The following KIF13B variants were observed in gnomAD, a reference collection of about 807,000 sequenced individuals.
KIF13B encodes the protein kinesin-like protein KIF13B.
KIF13B carries 127 observed loss-of-function variants against 222.0 expected under a neutral mutation model. The ratio of observed to expected loss-of-function variants is 0.57; its 90% CI spans 0.50 to 0.66. The LOEUF (loss-of-function observed/expected upper bound fraction) is 0.66. Ranked by LOEUF, KIF13B falls within the 30% of genes least tolerant of loss-of-function variation. The pLI is 0.00. For missense variants in KIF13B, 2,173 were observed against 2,379.0 expected, an observed-to-expected ratio of 0.91 and a Z score of 1.80; for synonymous variants, 976 against 919.0, an observed-to-expected ratio of 1.06 and a Z score of -1.12.
Position 29,134,057 on chromosome 8 carries a change from C to T in KIF13B, c.2767G>A (p.Val923Ile). Residue 923 changes from valine to isoleucine, a missense_variant, in exon 22 of 40, where the codon GTC (valine) becomes ATC (isoleucine). By Grantham distance (29) the Val-to-Ile change is conservative (BLOSUM62 3). Transcript: ENST00000524189. ...SVSKEPHCMV[V>I]FDHCNEFSVN... ...AAACTCACATTGCAATGATCAAAGA[C>T]AACCATGCAGTGCGGCTCCTTGCTG... 2 of 1,613,688 alleles carry T rather than the reference C, an allele frequency of 1.2e-6. No homozygotes were observed. The highest frequency in any genetic ancestry group is 1.7e-6 in the Non-Finnish European group (2 of 1,179,778).
intron 2 of KIF13B, among the ~76,000 whole-genome samples, chr8:29,197,868 T>A (rs1008659588): frequency 2.4e-4 from 37 of 152,100 alleles, no homozygotes; most frequent in African/African-American, 8.9e-4. Context: ...AATCAAACAA[T>A]TTAAGAATAA....
At position 29,116,984 on chromosome 8, in the gene KIF13B, G is replaced by A; in HGVS notation, c.3684C>T (p.Asp1228=). 3 of 1,589,764 alleles carry A rather than the reference G, an allele frequency of 1.9e-6. No individual in the cohort carries two copies. The highest frequency in any genetic ancestry group is 2.6e-6 in the Non-Finnish European group (3 of 1,163,698). Residue 1228 remains aspartate, a synonymous_variant, in exon 31 of 40, where the codon GAC becomes GAT. Coordinates refer to ENST00000524189, the MANE Select transcript of KIF13B (RefSeq NM_015254.4). ...GCTGAGGGCAGCCATGCACCGCGGA[G>A]TCCCAGGAGGCTTCTGCTTTCACCT... ...DGEVKAEASW[D]SAVHGCPQLS...
At position 29,070,400 on chromosome 8, in the gene KIF13B, C is replaced by A; in HGVS notation, c.*104G>T. 1.5e-6 allele frequency: 2 copies of A among 1,295,424 alleles called. No individual in the cohort carries two copies. Among genetic ancestry groups the A allele is most frequent in the East Asian group, 2.5e-5 (1 of 40,302 alleles). The allele number at this position is 1,295,424 out of a possible 1,614,324, so 80.2% of individuals were successfully genotyped here. A position where few individuals can be genotyped will look rare whatever the true frequency, so the allele number is the denominator to read the frequency against. ...CGTGCAAAAAGCATTCATCGCCCTGCCCCTGGGGAAGGGGCCACCGGGCTC... is the reference window on the plus strand; with the variant it reads ...CGTGCAAAAAGCATTCATCGCCCTGACCCTGGGGAAGGGGCCACCGGGCTC... On this transcript the variant is annotated 3_prime_UTR_variant, in exon 40 of 40. Transcript: ENST00000524189. The surrounding 1 kb of genome is among the most constrained non-coding windows in gnomAD (Gnocchi z 4.1).
chr8:29,095,289 GA>G (rs1322662916), intron 36 of KIF13B, among the ~76,000 whole-genome samples: 1 of 152,210 alleles, frequency 6.6e-6, no homozygotes, highest in African/African-American at 2.4e-5. Context: ...AATGATGGCT[GA>G]ATTCTCAGCA....
chr8:29,151,442 T>A (rs1199028585), intron 14 of KIF13B, among the ~76,000 whole-genome samples: 3 of 152,230 alleles, frequency 2.0e-5, no homozygotes, highest in Non-Finnish European at 4.4e-5. Context: ...CTTTCTTAGC[T>A]AGAGAAGAGA....
At chr8:29,193,464 C>T (rs1001245269) in intron 3 of KIF13B, among the ~76,000 whole-genome samples, 4 of 152,252 alleles carry the variant, frequency 2.6e-5, no homozygotes, top group Non-Finnish European at 5.9e-5. Flanking sequence ...GGAGCTCAAA[C>T]GAAGTTTCTC....
chr8:29,249,918 C>A lies in KIF13B; in HGVS notation c.56-4479G>T, dbSNP rs186891954. 23 of 636,628 alleles carry A rather than the reference C, an allele frequency of 3.6e-5. No homozygotes were observed. In the East Asian group the frequency reaches 1.4e-3, roughly 39 times the overall value. The allele number at this position is 636,628 out of a possible 1,614,324, so 39.4% of individuals were successfully genotyped here. On this transcript the variant is annotated intron_variant, in intron 1 of 39. Coordinates refer to ENST00000524189, the MANE Select transcript of KIF13B (RefSeq NM_015254.4). Reference sequence around the variant, plus strand: ...GTTTTGTCTTTAAATCTGCTCTAGACTATCACAGAAATGCTGCAAGAAAGT... The same window carrying A: ...GTTTTGTCTTTAAATCTGCTCTAGAATATCACAGAAATGCTGCAAGAAAGT...
intron 16 of KIF13B, among the ~76,000 whole-genome samples, chr8:29,148,328 T>G (rs1022246594): frequency 2.0e-5 from 3 of 151,714 alleles, no homozygotes; most frequent in Admixed American, 2.0e-4. Context: ...ATACAGAGAA[T>G]AGCAACATAA....
chr8:29,072,310 G>A lies in KIF13B; in HGVS notation c.4528C>T (p.Pro1510Ser). ...IRVTRMEEAQ[P>S]EMGPDVLVQT... ...ACCAGCACGTCAGGGCCCATCTCCG[G>A]CTGAGCCTGCAGCAGGACGGGGAAG... Residue 1510 changes from proline (P) to serine (S), a missense_variant, in exon 39 of 40, where the codon CCG becomes TCG. Pro to Ser is a moderately conservative substitution (Grantham distance 74). Transcript: ENST00000524189. 1 of 1,413,862 alleles carries A rather than the reference G, an allele frequency of 7.1e-7. No homozygotes were observed. Among genetic ancestry groups the A allele is most frequent in the Non-Finnish European group, 9.3e-7 (1 of 1,080,494 alleles). The allele number at this position is 1,413,862 out of a possible 1,614,324, so 87.6% of individuals were successfully genotyped here. A position where few individuals can be genotyped will look rare whatever the true frequency, so the allele number is the denominator to read the frequency against.
intron 21 of KIF13B, among the ~76,000 whole-genome samples, chr8:29,135,985 A>G (rs1563730721): frequency 6.6e-6 from 1 of 152,158 alleles, no homozygotes; most frequent in Non-Finnish European, 1.5e-5. Flanking sequence ...CATACTAGAC[A>G]TATAATGGGT....
At chr8:29,135,071 G>C (rs2129869029) in intron 21 of KIF13B, among the ~76,000 whole-genome samples, 1 of 152,278 alleles carries the variant, frequency 6.6e-6, no homozygotes, top group South Asian at 2.1e-4. Flanking sequence ...TTGAGCCAGG[G>C]TCTTGCTGTG....
At chr8:29,156,544 T>G (rs1811535371) in intron 13 of KIF13B, among the ~76,000 whole-genome samples, 1 of 152,056 alleles carries the variant, frequency 6.6e-6, no homozygotes, top group Non-Finnish European at 1.5e-5. Context: ...AGACAGGGTC[T>G]TTTTCTGTCA....
At chr8:29,137,214 A>T (rs868841985) in intron 21 of KIF13B, among the ~76,000 whole-genome samples, 1 of 152,254 alleles carries the variant, frequency 6.6e-6, no homozygotes, top group African/African-American at 2.4e-5. Flanking sequence ...GTTAAAATAG[A>T]CAAGAAACAA....
At position 29,132,346 on chromosome 8, in the gene KIF13B, C is replaced by T; in HGVS notation, c.2904G>A (p.Leu968=). ...TACGTGTCTTTGCTTGGATGATTCC[C>T]AAATCCCACAGGGCGGGGTTTTTCC... is the stretch of plus-strand genomic sequence containing the variant. ...DPRKNPALWD[L]GIIQAKTRSL... The change falls in exon 23 of 40, where the codon TTG becomes TTA. Residue 968 remains leucine (L), a synonymous_variant. Coordinates refer to ENST00000524189, the MANE Select transcript of KIF13B (RefSeq NM_015254.4). The T allele has an allele frequency of 6.3e-7, 1 of 1,579,872 alleles. No individual in the cohort carries two copies. The highest frequency in any genetic ancestry group is 8.6e-7 in the Non-Finnish European group (1 of 1,162,412).
chr8:29,247,209 A>AC (rs1011600252), intron 1 of KIF13B, among the ~76,000 whole-genome samples: 16 of 151,722 alleles, frequency 1.1e-4, no homozygotes, highest in South Asian at 4.2e-4. Context: ...ACATAGTGAG[A>AC]CCCCCACGTC....
Position 29,217,582 on chromosome 8 carries a change from A to C in KIF13B, c.150-21383T>G, listed in dbSNP as rs546931728. Among the ~76,000 whole-genome samples, 4 of 152,348 alleles carry C rather than the reference A, an allele frequency of 2.6e-5. No homozygotes were observed. In the South Asian group the frequency reaches 8.3e-4, roughly 32 times the overall value. On this transcript the variant is annotated intron_variant, in intron 2 of 39. Coordinates refer to ENST00000524189, the MANE Select transcript of KIF13B (RefSeq NM_015254.4). ...TTCTATCTCACTGATCCTTGTGATA[A>C]TCTCAGTTCAAAACTAGGAGGGGGA...
chr8:29,137,573 T>C (rs1202987109), intron 21 of KIF13B, among the ~76,000 whole-genome samples: 1 of 152,238 alleles, frequency 6.6e-6, no homozygotes, highest in Non-Finnish European at 1.5e-5. Context: ...TGGGGGCTAA[T>C]TACACTCACC....
Position 29,176,050 on chromosome 8 carries a change from G to T in KIF13B, c.945+18C>A. 1 of 1,488,610 alleles carries T rather than the reference G, an allele frequency of 6.7e-7. No individual in the cohort carries two copies. The highest frequency in any genetic ancestry group is 9.4e-7 in the Non-Finnish European group (1 of 1,068,716). 92.2% of individuals were successfully genotyped at this position (1,488,610 alleles called of 1,614,324 possible). Reference sequence around the variant, plus strand: ...AACCACCAAAAGTATGCCAGGAAGGGAAAAAAAACAAACTTACTTTGAGCA... The same window carrying T: ...AACCACCAAAAGTATGCCAGGAAGGTAAAAAAAACAAACTTACTTTGAGCA... On this transcript the variant is annotated intron_variant, in intron 10 of 39. Coordinates refer to ENST00000524189, the MANE Select transcript of KIF13B (RefSeq NM_015254.4).
chr8:29,134,567 C>T (rs1401803897), intron 21 of KIF13B, among the ~76,000 whole-genome samples: 2 of 152,162 alleles, frequency 1.3e-5, no homozygotes, highest in South Asian at 2.1e-4. Context: ...CTTGGCTAAC[C>T]ATGGATATGC....
Sources: allele counts gnomAD v4.1 joint callset (sites outside exome capture counted in the v4.1 genomes callset), GRCh38; gene constraint gnomAD v4.1.1; non-coding constraint Gnocchi (gnomAD v3.1); transcripts MANE v1.5; gene names NCBI Gene and HGNC (gene_info 2026-07-23, HGNC 2026-07-21).